Variants in RCOR2 observed in about 807,000 individuals in gnomAD.
RCOR2 encodes the protein REST corepressor 2.
In RCOR2, 19 loss-of-function variants were observed where a neutral mutation model predicts 58.9. The observed-to-expected ratio is 0.32, with a 90% CI of 0.23 to 0.47. The LOEUF is 0.47. RCOR2 is among the 20% of genes least tolerant of loss of function. The pLI is 1.00. For synonymous variants in RCOR2, 286 were observed against 278.7 expected (o/e 1.03, Z -0.26); for missense variants, 590 against 707.9 (o/e 0.83, Z 1.89).
In RCOR2 at chr11:63,917,072, G is replaced by A. The variant is rs1590737582; in HGVS notation, c.-616C>T. Among the ~76,000 whole-genome samples, 2 of 150,470 alleles carry A rather than the reference G, an allele frequency of 1.3e-5. No homozygotes were observed. Among genetic ancestry groups the A allele is most frequent in the East Asian group, 3.9e-4 (2 of 5,138 alleles). ...GGAGCGCAGCCGCGGGTGCCGCCTC[G>A]CACCCTCCCCGGCGCGCTCGCTCTC... On this transcript the variant is annotated 5_prime_UTR_variant, in exon 1 of 12. Transcript: ENST00000301459.
upstream of RCOR2, among the ~76,000 whole-genome samples, chr11:63,920,873 C>T (rs922252532): frequency 1.3e-5 from 2 of 152,092 alleles, no homozygotes; most frequent in East Asian, 1.9e-4. Context: ...CTGGCCTAGC[C>T]GGCACTCCTT....
At chr11:63,917,262 G>C (rs1266587247), upstream of RCOR2, among the ~76,000 whole-genome samples, 1 of 151,912 alleles carries the variant, frequency 6.6e-6, no homozygotes, top group African/African-American at 2.4e-5. Flanking sequence ...GGGTGGGAGG[G>C]AGGGCCCGGG....
the RCOR2 span, among the ~76,000 whole-genome samples, chr11:63,925,597 C>A: frequency 1.3e-5 from 2 of 151,488 alleles, no homozygotes; most frequent in Non-Finnish European, 2.9e-5. Flanking sequence ...GTGGGTGAAT[C>A]GCTTGAAACT....
upstream of RCOR2, among the ~76,000 whole-genome samples, chr11:63,918,908 A>G (rs996628041): frequency 6.6e-6 from 1 of 151,418 alleles, no homozygotes; most frequent in Non-Finnish European, 1.5e-5. Flanking sequence ...TGCCCCAGGT[A>G]CCCCCAGTCT....
chr11:63,920,163 C>T (rs1019900791), upstream of RCOR2, among the ~76,000 whole-genome samples: 1 of 152,224 alleles, frequency 6.6e-6, no homozygotes, highest in Admixed American at 6.5e-5. Flanking sequence ...GCTGTGCTTT[C>T]GGGGCCTGGC....
At chr11:63,927,516 G>A in the RCOR2 span, among the ~76,000 whole-genome samples, 16 of 151,952 alleles carry the variant, frequency 1.1e-4, no homozygotes, top group East Asian at 1.7e-3. Flanking sequence ...TGATCTGCCC[G>A]CCTCAGCCTC....
the RCOR2 span, among the ~76,000 whole-genome samples, chr11:63,923,938 C>T: frequency 2.0e-5 from 3 of 152,240 alleles, no homozygotes; most frequent in Non-Finnish European, 4.4e-5. Flanking sequence ...GGCGGAGTTT[C>T]ACTCTTGTTG....
At chr11:63,912,570 C>T in intron 10 of RCOR2, 36 bp from the exon 11 acceptor site, 1 of 1,595,458 alleles carries the variant, frequency 6.3e-7, no homozygotes, top group Non-Finnish European at 8.6e-7. Flanking sequence ...GTCAATACCC[C>T]TTCGAACTAG....
Position 63,912,870 on chromosome 11 carries a change from C to T in RCOR2, c.969G>A (p.Glu323=). ...EGGIDPLRPP[E]ANTKFNSRWT... ...ACCCTAACTTAAAGAGCAGCCATAC[C>T]TCCGGGGGGCGTAGTGGATCAATAC... Residue 323 remains glutamate, a splice_region_variant and synonymous_variant, in exon 9 of 12, where the codon GAG becomes GAA. Transcript: ENST00000301459. The T allele has an allele frequency of 6.2e-7, 1 of 1,613,708 alleles. No homozygotes were observed. The highest frequency in any genetic ancestry group is 8.5e-7 in the Non-Finnish European group (1 of 1,179,848).
upstream of RCOR2, among the ~76,000 whole-genome samples, chr11:63,918,608 A>G (rs899190120): frequency 2.6e-5 from 4 of 152,244 alleles, no homozygotes; most frequent in Admixed American, 2.6e-4. Flanking sequence ...AGGAGGTCTG[A>G]TTCAAGACTG....
Position 63,911,562 on chromosome 11 carries a change from G to T in RCOR2, c.*303C>A. On this transcript the variant is annotated 3_prime_UTR_variant, in exon 12 of 12. Coordinates refer to ENST00000301459, the MANE Select transcript of RCOR2 (RefSeq NM_173587.4). ...AAGGTCACTACCCCGGACACACAAA[G>T]GGCAGGACCCAGAGGCCAAGCCCCA... 1 of 296,852 alleles carries T rather than the reference G, an allele frequency of 3.4e-6. No individual in the cohort carries two copies. Among genetic ancestry groups the T allele is most frequent in the African/African-American group, 2.2e-5 (1 of 45,026 alleles). 18.4% of individuals were successfully genotyped at this position (296,852 alleles called of 1,614,324 possible). A position where few individuals can be genotyped will look rare whatever the true frequency, so the allele number is the denominator to read the frequency against.
At chr11:63,923,490 C>T in the RCOR2 span, among the ~76,000 whole-genome samples, 11 of 152,272 alleles carry the variant, frequency 7.2e-5, no homozygotes, top group East Asian at 1.9e-4. Flanking sequence ...CCACAGAAAC[C>T]GTTCCTCCAA....
the RCOR2 span, among the ~76,000 whole-genome samples, chr11:63,927,474 G>A: frequency 6.6e-6 from 1 of 151,892 alleles, no homozygotes; most frequent in Non-Finnish European, 1.5e-5. Flanking sequence ...TTGCTATGCT[G>A]CCCAGCCTAG....
chr11:63,914,072 C>A lies in RCOR2; in HGVS notation c.773G>T (p.Arg258Leu). The change falls in exon 8 of 12, where the codon CGC (arginine) becomes CTC (leucine). Residue 258 changes from arginine (R) to leucine (L), a missense_variant. Physicochemically the swap from Arg to Leu is moderately radical, Grantham distance 102. Transcript: ENST00000301459. ...GCTCAGGTACATGCCCTTGGGTGGGCGACGCCGGGTTCGCAAGGGATGGTG... is the reference window on the plus strand; with the variant it reads ...GCTCAGGTACATGCCCTTGGGTGGGAGACGCCGGGTTCGCAAGGGATGGTG... ...YRHHPLRTRR[R>L]PPKGMYLSPE... 6.2e-7 allele frequency: 1 copy of A among 1,613,836 alleles called. No homozygotes were observed. Among genetic ancestry groups the A allele is most frequent in the South Asian group, 1.1e-5 (1 of 91,082 alleles).
At chr11:63,918,726 C>T (rs1245571983), upstream of RCOR2, among the ~76,000 whole-genome samples, 3 of 152,160 alleles carry the variant, frequency 2.0e-5, no homozygotes, top group African/African-American at 7.2e-5. Flanking sequence ...GCCTGGCAGG[C>T]AACCATTGCT....
In RCOR2 at chr11:63,912,336, A is replaced by C. The variant is rs1485153595; in HGVS notation, c.1226T>G (p.Leu409Trp). 1.2e-6 allele frequency: 2 copies of C among 1,612,900 alleles called. No homozygotes were observed. The highest frequency in any genetic ancestry group is 1.7e-6 in the Non-Finnish European group (2 of 1,179,490). ...PMEEARRGAP[L>W]PAPALEEDDE... ...ATCTTCCTCTAGGGCTGGGGCTGGC[A>C]ATGGAGCCCCTCTCCTAGCCTCCTC... Residue 409 changes from leucine (L) to tryptophan (W), a missense_variant, in exon 11 of 12, where the codon TTG becomes TGG. Leu to Trp is a moderately conservative substitution (Grantham distance 61). Transcript: ENST00000301459.
At chr11:63,925,356 C>T in the RCOR2 span, among the ~76,000 whole-genome samples, 1 of 152,250 alleles carries the variant, frequency 6.6e-6, no homozygotes, top group East Asian at 1.9e-4. Context: ...TTTCCCAAGG[C>T]CCTGGATACC....
chr11:63,916,234 AGT>A (rs1941853642), intron 1 of RCOR2, 94 bp downstream of exon 1: 2 of 1,075,002 alleles, frequency 1.9e-6, no homozygotes, highest in Non-Finnish European at 2.7e-6. Context: ...AGGAGCCATC[AGT>A]GTAACAGGCT....
chr11:63,925,023 T>G, the RCOR2 span, among the ~76,000 whole-genome samples: 4 of 152,068 alleles, frequency 2.6e-5, no homozygotes, highest in Non-Finnish European at 5.9e-5. Flanking sequence ...GCTAATTTTT[T>G]TGTATTTTTA....
Sources: allele counts gnomAD v4.1 joint callset (sites outside exome capture counted in the v4.1 genomes callset), GRCh38; gene constraint gnomAD v4.1.1; transcripts MANE v1.5; gene names NCBI Gene and HGNC (gene_info 2026-07-23, HGNC 2026-07-21).